Variants in MUC3A observed in about 807,000 individuals in gnomAD.
The protein encoded by MUC3A is mucin 3A, cell surface associated.
A neutral mutation model predicts 109.0 loss-of-function variants in MUC3A; 109 were observed. That is an observed-to-expected ratio of 1.00 (90% CI 0.86 to 1.17). MUC3A has a LOEUF of 1.17. Ranked by LOEUF, MUC3A falls within the 50% of genes most tolerant of loss-of-function variation. The probability of loss-of-function intolerance (pLI) is 0.00; values close to 1 mark genes in which losing one functional copy is unlikely to be tolerated. For synonymous variants in MUC3A, 1,398 were observed against 981.4 expected (o/e 1.42, Z -7.93); for missense variants, 3,537 against 2,469.4 (o/e 1.43, Z -9.16).
chr7:100,964,821 G>C lies in MUC3A; in HGVS notation c.9360G>C (p.Val3120=), dbSNP rs753523224. 6 of 1,597,960 alleles carry C rather than the reference G, an allele frequency of 3.8e-6. No homozygotes were observed. In the South Asian group the frequency reaches 4.4e-5, roughly 12 times the overall value. The change falls in exon 6 of 12, where the codon GTG becomes GTC. Residue 3120 remains valine, a synonymous_variant. Coordinates refer to ENST00000379458, the MANE Select transcript of MUC3A (RefSeq NM_005960.2). ...GGCTGCAGAACGCCAGCCAGGATGT[G>C]AACAGCTGCCAGGACTCCCAGAGTG... ...KEGLQNASQD[V]NSCQDSQTLC... is the part of the protein sequence containing the mutation.
In MUC3A at chr7:100,957,383, T is replaced by A; in HGVS notation, c.5604T>A (p.Thr1868=). The A allele has an allele frequency of 1.5e-6, 1 of 653,808 alleles. No individual in the cohort carries two copies. The highest frequency in any genetic ancestry group is 2.5e-6 in the Non-Finnish European group (1 of 399,150). 40.5% of individuals were successfully genotyped at this position (653,808 alleles called of 1,614,324 possible). A position where few individuals can be genotyped will look rare whatever the true frequency, so the allele number is the denominator to read the frequency against. The change falls in exon 2 of 12, where the codon ACT becomes ACA. Residue 1868 remains threonine, a synonymous_variant. Transcript: ENST00000379458. ...YSTNMTGTLS[T]VTSLRPTSSS... is the part of the protein sequence containing the mutation. ...CCAATATGACAGGTACATTGTCCACTGTGACCTCTCTTCGACCCACCTCTT... is the reference window on the plus strand; with the variant it reads ...CCAATATGACAGGTACATTGTCCACAGTGACCTCTCTTCGACCCACCTCTT...
chr7:100,962,620 C>CTTCT (rs1178878752), intron 3 of MUC3A, among the ~76,000 whole-genome samples: 1 of 113,820 alleles, frequency 8.8e-6, no homozygotes, highest in Non-Finnish European at 2.2e-5. Context: ...TCCTTCCTTC[C>CTTCT]TCTCGCTCTC....
chr7:100,965,209 T>C, intron 6 of MUC3A, 73 bp from the exon 7 acceptor site: 1 of 1,567,546 alleles, frequency 6.4e-7, no homozygotes, highest in Non-Finnish European at 8.6e-7. Context: ...CTATCCTGCC[T>C]CCTGGCGCTA....
Position 100,963,245 on chromosome 7 carries a change from C to G in MUC3A, c.9147C>G (p.Phe3049Leu). 2.5e-6 allele frequency: 4 copies of G among 1,597,908 alleles called. No homozygotes were observed. In the South Asian group the frequency reaches 3.3e-5, roughly 13 times the overall value. ...ACACTTCCCAGGCCTACAGGGATTT[C>G]AACAAGACCTTCTGGAATCAGGTAA... Reference protein sequence around the residue: ...NDNTSQAYRDFNKTFWNQMQK... With the variant: ...NDNTSQAYRDLNKTFWNQMQK... Residue 3049 changes from phenylalanine to leucine, a missense_variant, in exon 4 of 12, where the codon TTC (phenylalanine) becomes TTG (leucine). Coordinates refer to ENST00000379458, the MANE Select transcript of MUC3A (RefSeq NM_005960.2).
chr7:100,958,286 G>A lies in MUC3A; in HGVS notation c.6507G>A (p.Glu2169=). ...PSFTSLITTT[E]TTSHRWGTTE... ...TCACTTCTTTGATCACCACCACGGAGACCACCTCACACAGGTGGGGGACCA... is the reference window on the plus strand; with the variant it reads ...TCACTTCTTTGATCACCACCACGGAAACCACCTCACACAGGTGGGGGACCA... The change falls in exon 2 of 12, where the codon GAG becomes GAA. Residue 2169 remains glutamate, a synonymous_variant. Transcript: ENST00000379458. 5.2e-6 allele frequency: 5 copies of A among 966,822 alleles called. No individual in the cohort carries two copies. Among genetic ancestry groups the A allele is most frequent in the Non-Finnish European group, 4.9e-6 (4 of 821,540 alleles). 59.9% of individuals were successfully genotyped at this position (966,822 alleles called of 1,614,324 possible).
Position 100,952,627 on chromosome 7 carries a change from A to T in MUC3A, c.848A>T (p.Asn283Ile). ...ACCGCCTCCCAGCCCACAGCCACTA[A>T]TACATTGTCATCACCCACTAGGACC... is the stretch of plus-strand genomic sequence containing the variant. ...TTTASQPTAT[N>I]TLSSPTRTIL... The change falls in exon 2 of 12, where the codon AAT (asparagine) becomes ATT (isoleucine). Residue 283 changes from asparagine (N) to isoleucine (I), a missense_variant. Asn to Ile is a moderately radical substitution (Grantham distance 149, BLOSUM62 -3). Coordinates refer to ENST00000379458, the MANE Select transcript of MUC3A (RefSeq NM_005960.2). 1 of 1,598,600 alleles carries T rather than the reference A, an allele frequency of 6.3e-7. No homozygotes were observed. The highest frequency in any genetic ancestry group is 8.5e-7 in the Non-Finnish European group (1 of 1,179,816).
At chr7:100,951,333 T>C (rs1791933925) in intron 1 of MUC3A, among the ~76,000 whole-genome samples, 1 of 152,298 alleles carries the variant, frequency 6.6e-6, no homozygotes. Context: ...GTTTTTGTGA[T>C]GCGCCCCCTG....
rs1207289720 is a variant in MUC3A at position 100,962,176 on chromosome 7, G to A, written c.9053-975G>A. Among the ~76,000 whole-genome samples, 6 of 44,848 alleles carry A rather than the reference G, an allele frequency of 1.3e-4. 1 individual carries two copies. Among genetic ancestry groups the A allele is most frequent in the African/African-American group, 3.4e-4 (6 of 17,904 alleles). 29.4% of individuals were successfully genotyped at this position (44,848 alleles called of 152,430 possible). On this transcript the variant is annotated intron_variant, in intron 3 of 11. Coordinates refer to ENST00000379458, the MANE Select transcript of MUC3A (RefSeq NM_005960.2). ...GAACCCGGGAGGCGGAGCTTGCAGT[G>A]AGCCGAGATCCCGCCACTGCACTCC...
intron 9 of MUC3A, 33 bp downstream of exon 9, chr7:100,966,592 G>C (rs1393042694): frequency 3.1e-6 from 5 of 1,588,812 alleles, no homozygotes; most frequent in African/African-American, 1.3e-5. Flanking sequence ...CGGGGGGCGA[G>C]GGCAGCCAAG....
At position 100,960,598 on chromosome 7, in the gene MUC3A, G is replaced by A. The variant is rs74529310; in HGVS notation, c.8819G>A (p.Arg2940His). 5 of 1,594,908 alleles carry A rather than the reference G, an allele frequency of 3.1e-6. No homozygotes were observed. Among genetic ancestry groups the A allele is most frequent in the African/African-American group, 2.7e-5 (2 of 74,898 alleles). Reference protein sequence around the residue: ...PTTLTSRRTTRITSQMTTQST... With the variant: ...PTTLTSRRTTHITSQMTTQST... Reference sequence around the variant, plus strand: ...ACCCTTACATCACGCAGGACAACTCGCATCACTTCTCAGATGACCACACAG... The same window carrying A: ...ACCCTTACATCACGCAGGACAACTCACATCACTTCTCAGATGACCACACAG... The change falls in exon 2 of 12, where the codon CGC becomes CAC. Residue 2940 changes from arginine to histidine, a missense_variant. By Grantham distance (29) the Arg-to-His change is conservative (BLOSUM62 0). Coordinates refer to ENST00000379458, the MANE Select transcript of MUC3A (RefSeq NM_005960.2).
Position 100,965,264 on chromosome 7 carries a change from G to A in MUC3A, c.9383-18G>A, listed in dbSNP as rs1163205560. 1.9e-6 allele frequency: 3 copies of A among 1,598,526 alleles called. No homozygotes were observed. Among genetic ancestry groups the A allele is most frequent in the Non-Finnish European group, 2.5e-6 (3 of 1,179,482 alleles). ...TTGATCTGCCCCGCCCATTCCATCTGTGCCTGTGTTTCCGCAGCCCTGTGT... is the reference window on the plus strand; with the variant it reads ...TTGATCTGCCCCGCCCATTCCATCTATGCCTGTGTTTCCGCAGCCCTGTGT... On this transcript the variant is annotated intron_variant, in intron 6 of 11. Coordinates refer to ENST00000379458, the MANE Select transcript of MUC3A (RefSeq NM_005960.2).
chr7:100,954,852 A>G lies in MUC3A; in HGVS notation c.3073A>G (p.Thr1025Ala), dbSNP rs1792059085. Reference protein sequence around the residue: ...TPTNTMTSMRTTTYWPTATNT... With the variant: ...TPTNTMTSMRATTYWPTATNT... ...CACCAATACAATGACTTCTATGAGA[A>G]CTACAACCTATTGGCCCACAGCCAC... The change falls in exon 2 of 12, where the codon ACT (threonine) becomes GCT (alanine). Residue 1025 changes from threonine (T) to alanine (A), a missense_variant. By Grantham distance (58) the Thr-to-Ala change is moderately conservative. Coordinates refer to ENST00000379458, the MANE Select transcript of MUC3A (RefSeq NM_005960.2). 9.4e-6 allele frequency: 4 copies of G among 425,166 alleles called. No homozygotes were observed. In the East Asian group the frequency reaches 1.0e-4, roughly 11 times the overall value. 26.3% of individuals were successfully genotyped at this position (425,166 alleles called of 1,614,324 possible). A position where few individuals can be genotyped will look rare whatever the true frequency, so the allele number is the denominator to read the frequency against.
In MUC3A at chr7:100,959,149, C is replaced by G; in HGVS notation, c.7370C>G (p.Thr2457Ser). 6.3e-7 allele frequency: 1 copy of G among 1,598,530 alleles called. No homozygotes were observed. Residue 2457 changes from threonine (T) to serine (S), a missense_variant, in exon 2 of 12, where the codon ACT becomes AGT. Thr to Ser is a moderately conservative substitution (Grantham distance 58). Coordinates refer to ENST00000379458, the MANE Select transcript of MUC3A (RefSeq NM_005960.2). ...TIYSTVSTST[T>S]AITSHFTTSE... The stretch of plus-strand genomic sequence containing the variant: ...TACTCCACAGTCAGCACATCCACAA[C>G]TGCCATCACCTCACATTTTACTACC...
chr7:100,964,601 C>T, intron 5 of MUC3A, 94 bp from the exon 6 acceptor site: 1 of 1,499,736 alleles, frequency 6.7e-7, no homozygotes, highest in African/African-American at 1.4e-5. Context: ...CTCCCTTCCC[C>T]CTTCTGGTGC....
Position 100,953,044 on chromosome 7 carries a change from C to A in MUC3A, c.1265C>A (p.Pro422His). The A allele has an allele frequency of 6.7e-7, 1 of 1,503,174 alleles. No homozygotes were observed. The highest frequency in any genetic ancestry group is 9.1e-7 in the Non-Finnish European group (1 of 1,093,096). The allele number at this position is 1,503,174 out of a possible 1,614,324, so 93.1% of individuals were successfully genotyped here. The change falls in exon 2 of 12, where the codon CCC (proline) becomes CAC (histidine). Residue 422 changes from proline (P) to histidine (H), a missense_variant. Pro to His is a moderately conservative substitution (Grantham distance 77). Transcript: ENST00000379458. ...TCCACAACTGCCATCTCCTCACTTC[C>A]CCCTACCTCAGGTACTATGGTGACT... is the stretch of plus-strand genomic sequence containing the variant. ...STSTTAISSL[P>H]PTSGTMVTST...
At position 100,952,801 on chromosome 7, in the gene MUC3A, C is replaced by A. The variant is rs1791999812; in HGVS notation, c.1022C>A (p.Thr341Asn). 1 of 1,546,134 alleles carries A rather than the reference C, an allele frequency of 6.5e-7. No homozygotes were observed. The highest frequency in any genetic ancestry group is 1.4e-5 in the African/African-American group (1 of 73,294). The change falls in exon 2 of 12, where the codon ACC (threonine) becomes AAC (asparagine). Residue 341 changes from threonine to asparagine, a missense_variant. Thr to Asn is a moderately conservative substitution (Grantham distance 65). Transcript: ENST00000379458. ...GAGACCACCTACACTACTTCTCCCA[C>A]CAGCACTGTCACAGACTCCACTACC... ...TSETTYTTSP[T>N]STVTDSTTKI...
At position 100,966,444 on chromosome 7, in the gene MUC3A, TGGAGGGCGCTGGTCGGGG is replaced by T; in HGVS notation, c.9672_9689del (p.Trp3224_Gly3230delinsCys). 7.4e-7 allele frequency: 1 copy of T among 1,348,666 alleles called. No homozygotes were observed. Among genetic ancestry groups the T allele is most frequent in the Non-Finnish European group, 9.5e-7 (1 of 1,058,024 alleles). The allele number at this position is 1,348,666 out of a possible 1,614,324, so 83.5% of individuals were successfully genotyped here. A position where few individuals can be genotyped will look rare whatever the true frequency, so the allele number is the denominator to read the frequency against. On this transcript the variant is annotated inframe_deletion, in exon 9 of 12. Coordinates refer to ENST00000379458, the MANE Select transcript of MUC3A (RefSeq NM_005960.2). ...CCCGCGCTGCGAGGTGGCCGTCCAC[TGGAGGGCGCTGGTCGGGG>T]GCCTGACGGCCGGCGCCGCGCTGCT...
At position 100,960,208 on chromosome 7, in the gene MUC3A, C is replaced by T. The variant is rs956895505; in HGVS notation, c.8429C>T (p.Thr2810Ile). The change falls in exon 2 of 12, where the codon ACC (threonine) becomes ATC (isoleucine). Residue 2810 changes from threonine (T) to isoleucine (I), a missense_variant. Thr to Ile is a moderately conservative substitution (Grantham distance 89, BLOSUM62 -1). Coordinates refer to ENST00000379458, the MANE Select transcript of MUC3A (RefSeq NM_005960.2). The part of the protein sequence containing the change: ...TTPLTVFPFT[T>I]EMVTCPTSIS... Reference sequence around the variant, plus strand: ...CCATTAACAGTCTTTCCCTTTACTACCGAAATGGTCACCTGTCCTACCTCC... The same window carrying T: ...CCATTAACAGTCTTTCCCTTTACTATCGAAATGGTCACCTGTCCTACCTCC... 2.5e-6 allele frequency: 4 copies of T among 1,595,360 alleles called. No homozygotes were observed. The African/African-American group carries it at 5.3e-5, about 21-fold the overall frequency.
At position 100,952,158 on chromosome 7, in the gene MUC3A, G is replaced by A. The variant is rs781066391; in HGVS notation, c.379G>A (p.Glu127Lys). 3.8e-6 allele frequency: 6 copies of A among 1,598,372 alleles called. No individual in the cohort carries two copies. The highest frequency in any genetic ancestry group is 5.1e-6 in the Non-Finnish European group (6 of 1,179,726). Residue 127 changes from glutamate (E) to lysine (K), a missense_variant, in exon 2 of 12, where the codon GAG becomes AAG. Physicochemically the swap from Glu to Lys is moderately conservative, Grantham distance 56. Coordinates refer to ENST00000379458, the MANE Select transcript of MUC3A (RefSeq NM_005960.2). ...CGTGTTGGTCTATTCAGCCACCACT[G>A]AGTGCGTGTATCCAACGAGCTTTAT... ...PTVLVYSATT[E>K]CVYPTSFIIT...
Sources: gnomAD v4.1 joint callset for allele counts (sites outside exome capture counted in the v4.1 genomes callset) on GRCh38, gnomAD v4.1.1 for gene constraint, MANE v1.5 for transcripts, NCBI Gene and HGNC (gene_info 2026-07-23, HGNC 2026-07-21) for gene names.